The following CCDC68 variants were observed in gnomAD, a reference collection of about 807,000 sequenced individuals.
CCDC68 encodes coiled-coil domain containing 68.
A neutral mutation model predicts 47.1 loss-of-function variants in CCDC68; 45 were observed. The observed-to-expected ratio is 0.96, with a 90% CI of 0.75 to 1.23. The LOEUF (loss-of-function observed/expected upper bound fraction) is 1.23. Among genes scored for constraint, CCDC68 ranks in the 50% most tolerant of loss-of-function variants. CCDC68 has a pLI of 0.00. For synonymous variants in CCDC68, 131 were observed against 129.5 expected, an observed-to-expected ratio of 1.01 and a Z score of -0.08; for missense variants, 353 against 373.6, an observed-to-expected ratio of 0.94 and a Z score of 0.45.
intron 1 of CCDC68, among the ~76,000 whole-genome samples, chr18:54,957,055 G>C (rs1029048218): frequency 6.6e-6 from 1 of 152,066 alleles, no homozygotes; most frequent in Non-Finnish European, 1.5e-5. Context: ...TTAATGGATA[G>C]ATGTTTTTCA....
At chr18:54,909,258 G>A (rs1914199496) in intron 10 of CCDC68, among the ~76,000 whole-genome samples, 1 of 152,190 alleles carries the variant, frequency 6.6e-6, no homozygotes, top group Non-Finnish European at 1.5e-5. Context: ...AAAAGTGTCT[G>A]CGACCAAAAG....
intron 7 of CCDC68, among the ~76,000 whole-genome samples, chr18:54,933,106 G>A (rs1024676134): frequency 1.0e-3 from 154 of 151,670 alleles, no homozygotes; most frequent in African/African-American, 3.6e-3. Context: ...TTTTTGACAC[G>A]GAGTCTCGCT....
At chr18:54,922,645 G>A (rs2044079932) in intron 8 of CCDC68, among the ~76,000 whole-genome samples, 1 of 152,058 alleles carries the variant, frequency 6.6e-6, no homozygotes, top group South Asian at 2.1e-4. Context: ...TTGAAACCAG[G>A]AGTTCAAGAC....
At chr18:54,945,818 C>T (rs935684548) in intron 1 of CCDC68, among the ~76,000 whole-genome samples, 3 of 152,086 alleles carry the variant, frequency 2.0e-5, no homozygotes, top group Non-Finnish European at 2.9e-5. Context: ...AAGTATCTTC[C>T]GGGATTAAGA....
intron 10 of CCDC68, among the ~76,000 whole-genome samples, chr18:54,915,188 T>C (rs986764670): frequency 6.6e-6 from 1 of 152,202 alleles, no homozygotes; most frequent in Non-Finnish European, 1.5e-5. Flanking sequence ...GGAGCCACAA[T>C]AGGCTGATTC....
At chr18:54,920,504 G>C (rs1447987047) in intron 8 of CCDC68, among the ~76,000 whole-genome samples, 1 of 151,958 alleles carries the variant, frequency 6.6e-6, no homozygotes. Context: ...GCCTCTATGT[G>C]TATCACAAAG....
chr18:54,907,955 C>T (rs1914114616), intron 10 of CCDC68, 93 bp from the exon 11 acceptor site: 4 of 740,772 alleles, frequency 5.4e-6, no homozygotes, highest in Admixed American at 4.1e-5. Flanking sequence ...CTGCCTCACT[C>T]GTTGGCAGCA....
intron 4 of CCDC68, among the ~76,000 whole-genome samples, chr18:54,939,348 A>G (rs1056821193): frequency 3.3e-5 from 5 of 152,076 alleles, no homozygotes; most frequent in African/African-American, 1.2e-4. Flanking sequence ...AAGATCATTG[A>G]TCAGTGCTTT....
At position 54,950,897 on chromosome 18, in the gene CCDC68, C is replaced by CTTTTT. The variant is rs869026740; in HGVS notation, c.-102-5425_-102-5421dup. Among the ~76,000 whole-genome samples the CTTTTT allele has an allele frequency of 6.5e-4, 40 of 61,960 alleles. 3 individuals carry two copies. Among genetic ancestry groups the CTTTTT allele is most frequent in the Middle Eastern group, 0.021 (1 of 48 alleles). The allele number at this position is 61,960 out of a possible 152,430, so 40.6% of individuals were successfully genotyped here. A position where few individuals can be genotyped will look rare whatever the true frequency, so the allele number is the denominator to read the frequency against. On this transcript the variant is annotated intron_variant, in intron 1 of 11. Coordinates refer to ENST00000591504, the MANE Select transcript of CCDC68 (RefSeq NM_025214.3). The stretch of plus-strand genomic sequence containing the variant: ...TTAGGTTGACCCCAAATTCAGATGT[C>CTTTTT]TTTTTTTTTTTTTTTTTTTTTTTTT...
In CCDC68 at chr18:54,942,811, A is replaced by G. The variant is rs2044460852; in HGVS notation, c.-12-8T>C. On this transcript the variant is annotated splice_polypyrimidine_tract_variant and splice_region_variant and intron_variant, in intron 2 of 11. Coordinates refer to ENST00000591504, the MANE Select transcript of CCDC68 (RefSeq NM_025214.3). ...TGTCATTGTGAATTCTGGCTTTAGG[A>G]AAACATAAATCAGCTAAGCAAAACA... The G allele has an allele frequency of 6.9e-7, 1 of 1,456,534 alleles. No homozygotes were observed. The highest frequency in any genetic ancestry group is 9.6e-7 in the Non-Finnish European group (1 of 1,038,260). The allele number at this position is 1,456,534 out of a possible 1,614,324, so 90.2% of individuals were successfully genotyped here.
intron 8 of CCDC68, among the ~76,000 whole-genome samples, chr18:54,922,001 C>T (rs144580967): frequency 2.4e-4 from 36 of 152,080 alleles, no homozygotes; most frequent in Middle Eastern, 3.4e-3. Flanking sequence ...CCATGGTCCA[C>T]GGCAGGAAGT....
In CCDC68 at chr18:54,937,930, AAAATTTG is replaced by A; in HGVS notation, c.345+20_345+26del. On this transcript the variant is annotated intron_variant, in intron 5 of 11. Coordinates refer to ENST00000591504, the MANE Select transcript of CCDC68 (RefSeq NM_025214.3). ...CTATTAGCTCGAAGGCTCAAAACACAAAATTTGAAACTTCTAAAAGTCATACCTTGAT... is the reference window on the plus strand; with the variant it reads ...CTATTAGCTCGAAGGCTCAAAACACAAAACTTCTAAAAGTCATACCTTGAT... The A allele has an allele frequency of 1.3e-6, 2 of 1,598,236 alleles. No homozygotes were observed. The highest frequency in any genetic ancestry group is 1.7e-6 in the Non-Finnish European group (2 of 1,173,144).
chr18:54,933,283 T>G (rs891617631), intron 7 of CCDC68, among the ~76,000 whole-genome samples: 1 of 152,136 alleles, frequency 6.6e-6, no homozygotes, highest in African/African-American at 2.4e-5. Flanking sequence ...GGTTTCACCA[T>G]GTTGGCCAGG....
At chr18:54,957,658 C>CTCTCT (rs2044738230) in intron 1 of CCDC68, among the ~76,000 whole-genome samples, 1 of 148,148 alleles carries the variant, frequency 6.8e-6, no homozygotes, top group African/African-American at 2.5e-5. Flanking sequence ...CTCTCTCTCT[C>CTCTCT]ATTTTCCAAA....
chr18:54,946,379 A>G (rs142238684), intron 1 of CCDC68, among the ~76,000 whole-genome samples: 121 of 152,302 alleles, frequency 7.9e-4, no homozygotes, highest in African/African-American at 2.8e-3. Context: ...TGGGGGCAGG[A>G]CCAGTGGGAA....
intron 10 of CCDC68, among the ~76,000 whole-genome samples, chr18:54,915,292 T>C (rs2043926014): frequency 6.6e-6 from 1 of 152,256 alleles, no homozygotes; most frequent in Admixed American, 6.5e-5. Context: ...GCAGGACTCA[T>C]GTCTATTTTG....
At chr18:54,944,372 A>G (rs1269932982) in intron 2 of CCDC68, among the ~76,000 whole-genome samples, 1 of 152,148 alleles carries the variant, frequency 6.6e-6, no homozygotes, top group African/African-American at 2.4e-5. Flanking sequence ...GTTACTGATA[A>G]GAAGCCAAGA....
intron 10 of CCDC68, among the ~76,000 whole-genome samples, chr18:54,912,153 G>C (rs567899634): frequency 6.6e-6 from 1 of 152,120 alleles, no homozygotes; most frequent in Admixed American, 6.6e-5. Context: ...ATATAAAGTA[G>C]GATAATCTTC....
At position 54,902,998 on chromosome 18, in the gene CCDC68, A is replaced by G. The variant is rs1199942510; in HGVS notation, c.*1360T>C. 1 of 152,216 alleles carries G rather than the reference A, an allele frequency of 6.6e-6. No homozygotes were observed. The highest frequency in any genetic ancestry group is 1.5e-5 in the Non-Finnish European group (1 of 68,028). 9.4% of individuals were successfully genotyped at this position (152,216 alleles called of 1,614,324 possible). A position where few individuals can be genotyped will look rare whatever the true frequency, so the allele number is the denominator to read the frequency against. On this transcript the variant is annotated 3_prime_UTR_variant, in exon 12 of 12. Transcript: ENST00000591504. ...ATGCCCTAAATGTTAACAGATAAATATACCTTCAAAATAAGCAAGCAATAA... is the reference window on the plus strand; with the variant it reads ...ATGCCCTAAATGTTAACAGATAAATGTACCTTCAAAATAAGCAAGCAATAA...
Sources: gnomAD v4.1 joint callset for allele counts (sites outside exome capture counted in the v4.1 genomes callset) on GRCh38, gnomAD v4.1.1 for gene constraint, MANE v1.5 for transcripts, NCBI Gene and HGNC (gene_info 2026-07-23, HGNC 2026-07-21) for gene names.